The following PROSER2 variants were observed in gnomAD, a reference collection of about 807,000 sequenced individuals.
The protein encoded by PROSER2 is proline and serine-rich protein 2.
In PROSER2, 18 loss-of-function variants were observed where a neutral mutation model predicts 14.6. The observed-to-expected ratio is 1.23, with a 90% CI of 0.85 to 1.83. PROSER2 has a LOEUF of 1.83. Ranked by LOEUF, PROSER2 falls within the 40% of genes most tolerant of loss-of-function variation. The pLI is 0.00. For synonymous variants in PROSER2, 367 were observed against 286.4 expected, an observed-to-expected ratio of 1.28 and a Z score of -2.84; for missense variants, 823 against 629.8, an observed-to-expected ratio of 1.31 and a Z score of -3.28.
chr10:11,870,714 C>A lies in PROSER2; in HGVS notation c.*308C>A. The A allele has an allele frequency of 3.5e-6, 1 of 286,702 alleles. No homozygotes were observed. The allele number at this position is 286,702 out of a possible 1,614,324, so 17.8% of individuals were successfully genotyped here. ...CATAGGTTTCCGTGATGTGTAAATG[C>A]CATCTTTTGGGGGTTGGGAGGAGTA... On this transcript the variant is annotated 3_prime_UTR_variant, in exon 4 of 4. Coordinates refer to ENST00000277570, the MANE Select transcript of PROSER2 (RefSeq NM_153256.4).
rs149357268 is a variant in PROSER2 at position 11,865,486 on chromosome 10, G to A, written c.139-1045G>A. ...CATTAACAGTTTTCCTCAGATGCTC[G>A]GTGGTTATTAGATATCTGCGCATAC... On this transcript the variant is annotated intron_variant, in intron 2 of 3. Coordinates refer to ENST00000277570, the MANE Select transcript of PROSER2 (RefSeq NM_153256.4). The surrounding 1 kb of genome is among the most constrained non-coding windows in gnomAD (Gnocchi z 4.2). Among the ~76,000 whole-genome samples, 24 of 152,260 alleles carry A rather than the reference G, an allele frequency of 1.6e-4. No homozygotes were observed. The highest frequency in any genetic ancestry group is 3.4e-3 in the Middle Eastern group (1 of 294).
rs1834427553 is a variant in PROSER2, at chr10:11,869,693, CAGAAGATTTCCGA to C, written c.596_608del (p.Gln199ArgfsTer150). 6 of 1,598,004 alleles carry C rather than the reference CAGAAGATTTCCGA, an allele frequency of 3.8e-6. No homozygotes were observed. Among genetic ancestry groups the C allele is most frequent in the Non-Finnish European group, 5.1e-6 (6 of 1,173,008 alleles). On this transcript the variant is annotated frameshift_variant, in exon 4 of 4. Transcript: ENST00000277570. LOFTEE classifies it low-confidence loss of function (END_TRUNC). This position sits in a 1 kb window ranked among gnomAD's most constrained non-coding sequence, Gnocchi z 4.4. ...TGTTCCCACGCCCCTCGTTATGGCG[CAGAAGATTTCCGA>C]GAGGATGGCGGGGAACGAAGCCCTC...
Position 11,823,725 on chromosome 10 carries a change from C to A in PROSER2, c.-82+255C>A, listed in dbSNP as rs1588479584. Reference sequence around the variant, plus strand: ...CTCGGAGTCGGGGCGCGGCGGGGAGCGCGCTGGGTTCCGAGTCTGGGGCTA... The same window carrying A: ...CTCGGAGTCGGGGCGCGGCGGGGAGAGCGCTGGGTTCCGAGTCTGGGGCTA... On this transcript the variant is annotated intron_variant, in intron 1 of 3. Transcript: ENST00000277570. The surrounding 1 kb of genome is among the most constrained non-coding windows in gnomAD (Gnocchi z 6.2). Among the ~76,000 whole-genome samples the A allele has an allele frequency of 1.3e-5, 2 of 151,956 alleles. No individual in the cohort carries two copies. Among genetic ancestry groups the A allele is most frequent in the East Asian group, 3.9e-4 (2 of 5,166 alleles).
intron 1 of PROSER2, among the ~76,000 whole-genome samples, chr10:11,828,567 G>A (rs1419749555): frequency 1.2e-4 from 18 of 152,066 alleles, no homozygotes; most frequent in Admixed American, 9.2e-4. Context: ...GCTTGGCATG[G>A]TGGTGTGTGC....
In PROSER2 at chr10:11,823,715, C is replaced by T. The variant is rs1833572519; in HGVS notation, c.-82+245C>T. 6.6e-6 allele frequency among the ~76,000 whole-genome samples: 1 copy of T among 152,124 alleles called. No individual in the cohort carries two copies. Among genetic ancestry groups the T allele is most frequent in the Non-Finnish European group, 1.5e-5 (1 of 67,982 alleles). On this transcript the variant is annotated intron_variant, in intron 1 of 3. Coordinates refer to ENST00000277570, the MANE Select transcript of PROSER2 (RefSeq NM_153256.4). This position sits in a 1 kb window ranked among gnomAD's most constrained non-coding sequence, Gnocchi z 6.2. Reference sequence around the variant, plus strand: ...CCTCGGGGACCTCGGAGTCGGGGCGCGGCGGGGAGCGCGCTGGGTTCCGAG... The same window carrying T: ...CCTCGGGGACCTCGGAGTCGGGGCGTGGCGGGGAGCGCGCTGGGTTCCGAG...
At chr10:11,860,093 G>A (rs1030314636) in intron 2 of PROSER2, among the ~76,000 whole-genome samples, 25 of 152,326 alleles carry the variant, frequency 1.6e-4, no homozygotes, top group Middle Eastern at 3.4e-3. Context: ...CACTGTGGAA[G>A]GTGGCTTCGT....
chr10:11,842,997 G>A (rs1435307825), intron 1 of PROSER2, among the ~76,000 whole-genome samples: 3 of 124,900 alleles, frequency 2.4e-5, no homozygotes, highest in African/African-American at 9.1e-5. Context: ...CTGGAGTGCT[G>A]TGGCACGATC....
chr10:11,859,670 T>C (rs1834196666), intron 2 of PROSER2, among the ~76,000 whole-genome samples: 1 of 152,216 alleles, frequency 6.6e-6, no homozygotes, highest in African/African-American at 2.4e-5. Flanking sequence ...TCCAGCTCTC[T>C]CCCGCCTCCA....
chr10:11,828,922 AG>A (rs1281966626), intron 1 of PROSER2, among the ~76,000 whole-genome samples: 10 of 152,264 alleles, frequency 6.6e-5, no homozygotes, highest in Middle Eastern at 3.4e-3. Context: ...TCTTTCTGTC[AG>A]GGGTGTCAGA....
chr10:11,828,598 G>A (rs1486233333), intron 1 of PROSER2, among the ~76,000 whole-genome samples: 2 of 152,118 alleles, frequency 1.3e-5, no homozygotes, highest in Non-Finnish European at 2.9e-5. Flanking sequence ...AGCTACTCGG[G>A]AGGCTGAGGC....
At position 11,865,848 on chromosome 10, in the gene PROSER2, C is replaced by T. The variant is rs1426278205; in HGVS notation, c.139-683C>T. Among the ~76,000 whole-genome samples the T allele has an allele frequency of 6.6e-6, 1 of 152,158 alleles. No individual in the cohort carries two copies. Among genetic ancestry groups the T allele is most frequent in the African/African-American group, 2.4e-5 (1 of 41,430 alleles). On this transcript the variant is annotated intron_variant, in intron 2 of 3. Transcript: ENST00000277570. This position sits in a 1 kb window ranked among gnomAD's most constrained non-coding sequence, Gnocchi z 4.2. ...TTCTGAAAGAGACTTTCAAACAGTT[C>T]AGCTCTCTTCACCGTCACCTTGCCC...
At chr10:11,833,017 A>AT (rs992841833) in intron 1 of PROSER2, among the ~76,000 whole-genome samples, 1 of 150,958 alleles carries the variant, frequency 6.6e-6, no homozygotes, top group African/African-American at 2.4e-5. Flanking sequence ...TAATTTTTGT[A>AT]TTTTTTGGTA....
Position 11,852,011 on chromosome 10 carries a change from C to A in PROSER2, c.-67C>A. On this transcript the variant is annotated 5_prime_UTR_variant, in exon 2 of 4. Coordinates refer to ENST00000277570, the MANE Select transcript of PROSER2 (RefSeq NM_153256.4). ...GGTGTCTCTAGGAGTGAGCTGTTGC[C>A]GCAGAATGGGCTGCTGGCTCCTGCC... The A allele has an allele frequency of 6.6e-7, 1 of 1,509,216 alleles. No homozygotes were observed. The allele number at this position is 1,509,216 out of a possible 1,614,324, so 93.5% of individuals were successfully genotyped here.
rs1833573069 is a variant in PROSER2 at position 11,823,757 on chromosome 10, G to A, written c.-82+287G>A. The stretch of plus-strand genomic sequence containing the variant: ...GGTTCCGAGTCTGGGGCTATCCTGG[G>A]GGCTCAGGGGTGGAGGCGGGTTTCC... On this transcript the variant is annotated intron_variant, in intron 1 of 3. Coordinates refer to ENST00000277570, the MANE Select transcript of PROSER2 (RefSeq NM_153256.4). The surrounding 1 kb of genome is among the most constrained non-coding windows in gnomAD (Gnocchi z 6.2). Among the ~76,000 whole-genome samples, 1 of 152,188 alleles carries A rather than the reference G, an allele frequency of 6.6e-6. No homozygotes were observed. The highest frequency in any genetic ancestry group is 2.4e-5 in the African/African-American group (1 of 41,454).
At chr10:11,829,449 T>C (rs1833661517) in intron 1 of PROSER2, among the ~76,000 whole-genome samples, 1 of 151,504 alleles carries the variant, frequency 6.6e-6, no homozygotes, top group Admixed American at 6.6e-5. Flanking sequence ...CCAGGTGTGG[T>C]AGTGTGTACC....
intron 1 of PROSER2, among the ~76,000 whole-genome samples, chr10:11,834,699 C>T (rs1028406108): frequency 5.9e-5 from 9 of 152,116 alleles, no homozygotes; most frequent in Non-Finnish European, 1.2e-4. Flanking sequence ...CGCACCATTG[C>T]ACTCCAGTCT....
At chr10:11,850,391 G>C (rs1380868076) in intron 1 of PROSER2, 1 of 152,262 alleles carries the variant, frequency 6.6e-6, no homozygotes, top group Non-Finnish European at 1.5e-5. Context: ...CCGTATACCC[G>C]AGTGTGGCCA....
chr10:11,861,663 C>T (rs2131085761), intron 2 of PROSER2, among the ~76,000 whole-genome samples: 1 of 152,258 alleles, frequency 6.6e-6, no homozygotes, highest in African/African-American at 2.4e-5. Flanking sequence ...CGTAGCTGCC[C>T]CCACTCCGTG....
At chr10:11,855,202 G>A (rs1382425350) in intron 2 of PROSER2, among the ~76,000 whole-genome samples, 3 of 149,804 alleles carry the variant, frequency 2.0e-5, no homozygotes, top group Non-Finnish European at 4.4e-5. Context: ...GGCCAGGTGC[G>A]GTGGCTCACG....
Sources: allele counts gnomAD v4.1 joint callset (sites outside exome capture counted in the v4.1 genomes callset), GRCh38; gene constraint gnomAD v4.1.1; non-coding constraint Gnocchi (gnomAD v3.1); transcripts MANE v1.5; gene names NCBI Gene and HGNC (gene_info 2026-07-23, HGNC 2026-07-21).